EAPP: variants seen among roughly 807,000 people sequenced by gnomAD.
EAPP encodes E2F-associated phosphoprotein.
EAPP carries 38 observed loss-of-function variants against 34.3 expected under a neutral mutation model. That is an observed-to-expected ratio of 1.11 (90% CI 0.85 to 1.45). EAPP has a LOEUF of 1.45. Ranked by LOEUF, EAPP falls within the 40% of genes most tolerant of loss-of-function variation. EAPP has a pLI of 0.00. For synonymous variants in EAPP, 113 were observed against 117.6 expected, an observed-to-expected ratio of 0.96 and a Z score of 0.25; for missense variants, 338 against 343.7, an observed-to-expected ratio of 0.98 and a Z score of 0.13.
Position 34,516,429 on chromosome 14 carries a change from C to T in EAPP, c.739G>A (p.Glu247Lys), listed in dbSNP as rs1344457184. 1.2e-6 allele frequency: 2 copies of T among 1,614,114 alleles called. No homozygotes were observed. Among genetic ancestry groups the T allele is most frequent in the Non-Finnish European group, 1.7e-6 (2 of 1,180,050 alleles). Reference protein sequence around the residue: ...SNREDAAEKAETDVEEIYHPV... With the variant: ...SNREDAAEKAKTDVEEIYHPV... ...TGATAGATTTCTTCCACATCTGTCT[C>T]TGCCTTCTCGGCAGCATCTTCCCGG... The change falls in exon 6 of 6, where the codon GAG becomes AAG. Residue 247 changes from glutamate (E) to lysine (K), a missense_variant. Physicochemically the swap from Glu to Lys is moderately conservative, Grantham distance 56 (BLOSUM62 1). Coordinates refer to ENST00000250454, the MANE Select transcript of EAPP (RefSeq NM_018453.4).
At chr14:34,517,050 G>A (rs12588228) in intron 5 of EAPP, among the ~76,000 whole-genome samples, 55,094 of 149,932 alleles carry the variant, frequency 0.37, 11,691 homozygotes, top group East Asian at 0.67. Flanking sequence ...CCATTCTCCT[G>A]CCTCAGCCTC....
At chr14:34,536,299 G>C in intron 1 of EAPP, 24 bp from the exon 2 acceptor site, 1 of 1,525,568 alleles carries the variant, frequency 6.6e-7, no homozygotes, top group South Asian at 1.3e-5. Flanking sequence ...AAATCAAAAA[G>C]AATATGAATA....
intron 2 of EAPP, among the ~76,000 whole-genome samples, chr14:34,535,321 G>A (rs1254463340): frequency 6.6e-6 from 1 of 151,308 alleles, no homozygotes; most frequent in African/African-American, 2.4e-5. Context: ...GTAGAGACGG[G>A]GTTTCGCCAT....
chr14:34,539,429 G>A, intron 1 of EAPP, 126 bp downstream of exon 1: 1 of 1,073,930 alleles, frequency 9.3e-7, no homozygotes, highest in Non-Finnish European at 1.4e-6. Context: ...CTTCGCACAA[G>A]TAACAGGCAC....
chr14:34,521,642 T>C (rs556219281), intron 5 of EAPP, among the ~76,000 whole-genome samples: 3 of 150,796 alleles, frequency 2.0e-5, no homozygotes, highest in African/African-American at 7.3e-5. Context: ...TTTCTTTTTT[T>C]TTTTTTTTTT....
chr14:34,538,379 A>AAAAT lies in EAPP; in HGVS notation c.74+1172_74+1175dup, dbSNP rs10617413. ...GGCTGACAGAGTGAGACTCTGTCTC[A>AAAAT]AAATAAATAAATAAATAAATAAATA... is the stretch of plus-strand genomic sequence containing the variant. On this transcript the variant is annotated intron_variant, in intron 1 of 5. Transcript: ENST00000250454. Among the ~76,000 whole-genome samples, 224 of 150,158 alleles carry AAAAT rather than the reference A, an allele frequency of 1.5e-3. 1 individual carries two copies. Among genetic ancestry groups the AAAAT allele is most frequent in the African/African-American group, 5.0e-3 (204 of 40,760 alleles).
At chr14:34,527,196 C>T (rs1052138408) in intron 4 of EAPP, among the ~76,000 whole-genome samples, 2 of 146,908 alleles carry the variant, frequency 1.4e-5, no homozygotes, top group African/African-American at 5.0e-5. Flanking sequence ...AATGGCCTGG[C>T]ACAATGGCTC....
chr14:34,522,902 T>C (rs902267622), intron 5 of EAPP, among the ~76,000 whole-genome samples: 3 of 152,148 alleles, frequency 2.0e-5, no homozygotes, highest in Admixed American at 6.6e-5. Context: ...CAGGGACAGA[T>C]CTCTTACCAG....
intron 2 of EAPP, among the ~76,000 whole-genome samples, chr14:34,534,283 C>T (rs912742264): frequency 1.3e-5 from 2 of 152,090 alleles, no homozygotes; most frequent in Non-Finnish European, 2.9e-5. Flanking sequence ...TAGGCAACTG[C>T]CGTCACTCCC....
At chr14:34,525,710 T>C (rs1594662365) in intron 4 of EAPP, among the ~76,000 whole-genome samples, 1 of 152,072 alleles carries the variant, frequency 6.6e-6, no homozygotes, top group African/African-American at 2.4e-5. Flanking sequence ...TTTAAAATTA[T>C]GGACTTTGAT....
chr14:34,535,964 T>C (rs1880457473), intron 2 of EAPP, 130 bp downstream of exon 2: 2 of 632,702 alleles, frequency 3.2e-6, no homozygotes, highest in Admixed American at 3.5e-5. Context: ...GCCAAATACA[T>C]TCACTCCTTC....
intron 2 of EAPP, among the ~76,000 whole-genome samples, chr14:34,535,533 T>G (rs1298204426): frequency 6.8e-6 from 1 of 146,486 alleles, no homozygotes; most frequent in Non-Finnish European, 1.5e-5. Context: ...CCTGGGTTCA[T>G]GCCATTCTCC....
chr14:34,532,697 C>T (rs1172265725), intron 3 of EAPP, among the ~76,000 whole-genome samples: 5 of 141,644 alleles, frequency 3.5e-5, no homozygotes, highest in Admixed American at 7.3e-5. Context: ...TTTTTTGAGA[C>T]GGAGTCTCAC....
chr14:34,535,111 C>T (rs554827984), intron 2 of EAPP, among the ~76,000 whole-genome samples: 1 of 149,728 alleles, frequency 6.7e-6, no homozygotes, highest in Non-Finnish European at 1.5e-5. Context: ...GCTGGGATTA[C>T]AAGCATGAGC....
At chr14:34,538,067 T>C (rs953562686) in intron 1 of EAPP, among the ~76,000 whole-genome samples, 17 of 152,116 alleles carry the variant, frequency 1.1e-4, no homozygotes, top group African/African-American at 4.1e-4. Flanking sequence ...CACAGAATTA[T>C]AAAGCTTCCT....
At chr14:34,519,539 A>AAC (rs1879844901) in intron 5 of EAPP, among the ~76,000 whole-genome samples, 1 of 152,038 alleles carries the variant, frequency 6.6e-6, no homozygotes, top group Non-Finnish European at 1.5e-5. Context: ...CTCTCAAAAA[A>AAC]AAAAAAAAAG....
intron 5 of EAPP, among the ~76,000 whole-genome samples, chr14:34,519,978 T>G (rs780940982): frequency 2.0e-5 from 3 of 151,046 alleles, no homozygotes; most frequent in Non-Finnish European, 4.4e-5. Context: ...TCCACCTCCC[T>G]GGTTCAAGTG....
At chr14:34,536,546 C>A in intron 1 of EAPP, 1 of 211,748 alleles carries the variant, frequency 4.7e-6, no homozygotes. Context: ...CTCACTGCAA[C>A]CTCCACCTCC....
chr14:34,527,803 G>A (rs72673450), intron 4 of EAPP, among the ~76,000 whole-genome samples: 4,069 of 152,214 alleles, frequency 0.027, 71 homozygotes, highest in Middle Eastern at 0.085. Flanking sequence ...CCAAGGGGCT[G>A]AGGGGAAGGG....
Sources: gnomAD v4.1 joint callset for allele counts (sites outside exome capture counted in the v4.1 genomes callset) on GRCh38, gnomAD v4.1.1 for gene constraint, MANE v1.5 for transcripts, NCBI Gene and HGNC (gene_info 2026-07-23, HGNC 2026-07-21) for gene names.